GALNTL6: variants seen among roughly 807,000 people sequenced by gnomAD.
GALNTL6 encodes polypeptide N-acetylgalactosaminyltransferase like 6, also known as polypeptide N-acetylgalactosaminyltransferase-like 6.
Under a neutral mutation model 73.7 loss-of-function variants are expected in GALNTL6, and 46 were observed. The observed-to-expected ratio is 0.62, with a 90% CI of 0.49 to 0.80. The LOEUF is 0.80. GALNTL6 is among the 30% of genes least tolerant of loss of function. GALNTL6 has a pLI of 0.00. For missense variants in GALNTL6, 604 were observed against 755.0 expected, an observed-to-expected ratio of 0.80 and a Z score of 2.34; for synonymous variants, 259 against 263.7, an observed-to-expected ratio of 0.98 and a Z score of 0.17.
intron 2 of GALNTL6, among the ~76,000 whole-genome samples, chr4:171,941,971 AC>A (rs1738558396): frequency 6.6e-6 from 1 of 152,172 alleles, no homozygotes; most frequent in Non-Finnish European, 1.5e-5. Context: ...CTGTATCGTA[AC>A]CTTTTGTAGC....
At chr4:173,036,247 A>G (rs922053245) in intron 12 of GALNTL6, among the ~76,000 whole-genome samples, 2 of 151,662 alleles carry the variant, frequency 1.3e-5, no homozygotes, top group African/African-American at 4.8e-5. Context: ...GGACTCATAT[A>G]CCTATTTTAC....
chr4:172,919,372 T>C (rs1049991825), intron 8 of GALNTL6, among the ~76,000 whole-genome samples: 1 of 152,080 alleles, frequency 6.6e-6, no homozygotes, highest in Non-Finnish European at 1.5e-5. Context: ...CTCCTGCCCC[T>C]CAGGCATGGC....
intron 2 of GALNTL6, among the ~76,000 whole-genome samples, chr4:172,100,095 T>G (rs1360047263): frequency 6.6e-6 from 1 of 152,292 alleles, no homozygotes; most frequent in African/African-American, 2.4e-5. Context: ...ATATCAAAAG[T>G]AGTTTAATGG....
chr4:172,937,288 T>TAA (rs373246669), intron 9 of GALNTL6, among the ~76,000 whole-genome samples: 5 of 148,396 alleles, frequency 3.4e-5, no homozygotes, highest in African/African-American at 1.2e-4. Context: ...GGAGCATTTG[T>TAA]AAAAAAAAAA....
intron 5 of GALNTL6, among the ~76,000 whole-genome samples, chr4:172,781,121 C>T (rs1310853368): frequency 6.6e-6 from 1 of 152,114 alleles, no homozygotes; most frequent in Non-Finnish European, 1.5e-5. Context: ...AACCAAAAGG[C>T]CGTAAGTTAA....
chr4:171,818,362 C>T (rs1734580196), intron 2 of GALNTL6, among the ~76,000 whole-genome samples: 1 of 151,186 alleles, frequency 6.6e-6, no homozygotes, highest in Admixed American at 6.6e-5. Context: ...TTTAAAAACC[C>T]CAAATTCCAA....
intron 5 of GALNTL6, among the ~76,000 whole-genome samples, chr4:172,408,007 A>G (rs1479012343): frequency 6.6e-6 from 1 of 152,084 alleles, no homozygotes; most frequent in Non-Finnish European, 1.5e-5. Context: ...GAAAATATAT[A>G]GAAGGCCACT....
intron 3 of GALNTL6, among the ~76,000 whole-genome samples, chr4:172,244,767 A>G (rs1403324230): frequency 6.6e-6 from 1 of 152,184 alleles, no homozygotes; most frequent in African/African-American, 2.4e-5. Context: ...AAGGGGGTCT[A>G]TATAAACATA....
chr4:172,378,197 A>G (rs2111274963), intron 5 of GALNTL6, among the ~76,000 whole-genome samples: 1 of 152,324 alleles, frequency 6.6e-6, no homozygotes, highest in Admixed American at 6.5e-5. Context: ...TTGAAGTTAT[A>G]GTTCTTAAAT....
intron 5 of GALNTL6, among the ~76,000 whole-genome samples, chr4:172,580,849 G>A (rs762515294): frequency 2.6e-5 from 4 of 152,006 alleles, no homozygotes; most frequent in African/African-American, 4.8e-5. Context: ...GCACTATCTC[G>A]GCTCACCGCA....
At chr4:172,184,735 T>C (rs1029077160) in intron 2 of GALNTL6, among the ~76,000 whole-genome samples, 2 of 152,164 alleles carry the variant, frequency 1.3e-5, no homozygotes, top group Non-Finnish European at 2.9e-5. Flanking sequence ...GTAGAGTGGA[T>C]AATTTATAAA....
Position 172,504,174 on chromosome 4 carries a change from A to AAAAAAAAAAAAAAC in GALNTL6, c.553+155490_553+155491insAAAAAAAACAAAAA, listed in dbSNP as rs1455494024. On this transcript the variant is annotated intron_variant, in intron 5 of 12. Transcript: ENST00000506823. ...GACTCTGTCTCAAAAAAAAAAAAAA[A>AAAAAAAAAAAAAAC]AAAAACTCACACCTTGTTGATATTG... is the stretch of plus-strand genomic sequence containing the variant. 1.6e-4 allele frequency among the ~76,000 whole-genome samples: 7 copies of AAAAAAAAAAAAAAC among 44,098 alleles called. 3 individuals carry two copies. Among genetic ancestry groups the AAAAAAAAAAAAAAC allele is most frequent in the Non-Finnish European group, 3.0e-4 (6 of 20,312 alleles). 28.9% of individuals were successfully genotyped at this position (44,098 alleles called of 152,430 possible). A position where few individuals can be genotyped will look rare whatever the true frequency, so the allele number is the denominator to read the frequency against.
chr4:172,756,050 A>G (rs1176572373), intron 5 of GALNTL6, among the ~76,000 whole-genome samples: 1 of 152,210 alleles, frequency 6.6e-6, no homozygotes, highest in East Asian at 1.9e-4. Flanking sequence ...TAGGCCTTAT[A>G]CTCATCAATA....
chr4:172,179,231 A>G (rs1429674515), intron 2 of GALNTL6, among the ~76,000 whole-genome samples: 1 of 151,482 alleles, frequency 6.6e-6, no homozygotes, highest in African/African-American at 2.4e-5. Flanking sequence ...GAATCGCCAC[A>G]CTGACTTCCA....
intron 2 of GALNTL6, among the ~76,000 whole-genome samples, chr4:171,832,577 T>C (rs1487771820): frequency 2.0e-5 from 3 of 151,282 alleles, no homozygotes; most frequent in African/African-American, 7.3e-5. Flanking sequence ...GTGAATACAT[T>C]GCAAAAAAAA....
At chr4:171,980,630 T>A (rs1739867448) in intron 2 of GALNTL6, among the ~76,000 whole-genome samples, 1 of 152,192 alleles carries the variant, frequency 6.6e-6, no homozygotes, top group South Asian at 2.1e-4. Flanking sequence ...ATCAAACTTC[T>A]CATCAAGGCT....
At chr4:172,170,775 A>C (rs1208254786) in intron 2 of GALNTL6, among the ~76,000 whole-genome samples, 1 of 152,008 alleles carries the variant, frequency 6.6e-6, no homozygotes, top group Non-Finnish European at 1.5e-5. Flanking sequence ...TGGTCTTCCA[A>C]ATTGCTGGGA....
At chr4:173,017,676 GTAA>G (rs891338316) in intron 11 of GALNTL6, among the ~76,000 whole-genome samples, 4 of 152,086 alleles carry the variant, frequency 2.6e-5, no homozygotes. Flanking sequence ...TAATCAACAG[GTAA>G]TAATAATAAT....
chr4:171,855,600 A>G (rs1190341522), intron 2 of GALNTL6, among the ~76,000 whole-genome samples: 1 of 152,190 alleles, frequency 6.6e-6, no homozygotes, highest in African/African-American at 2.4e-5. Context: ...ATTTTTGTAT[A>G]TATGTAAGTT....
Sources: gnomAD v4.1 joint callset for allele counts (sites outside exome capture counted in the v4.1 genomes callset) on GRCh38, gnomAD v4.1.1 for gene constraint, MANE v1.5 for transcripts, NCBI Gene and HGNC (gene_info 2026-07-23, HGNC 2026-07-21) for gene names.